The following PRKG1 variants were observed in gnomAD, a reference collection of about 807,000 sequenced individuals.
PRKG1 encodes the protein protein kinase cGMP-dependent 1, also known as cGMP-dependent protein kinase 1.
In PRKG1, 35 loss-of-function variants were observed where a neutral mutation model predicts 88.1. The ratio of observed to expected loss-of-function variants is 0.40; its 90% CI spans 0.30 to 0.53. The LOEUF (loss-of-function observed/expected upper bound fraction) is 0.53. PRKG1 is among the 20% of genes least tolerant of loss of function. The pLI is 0.59. For synonymous variants in PRKG1, 303 were observed against 292.5 expected, an observed-to-expected ratio of 1.04 and a Z score of -0.37; for missense variants, 540 against 839.8, an observed-to-expected ratio of 0.64 and a Z score of 4.41.
At chr10:51,891,521 T>C (rs774069843) in intron 4 of PRKG1, among the ~76,000 whole-genome samples, 1 of 152,234 alleles carries the variant, frequency 6.6e-6, no homozygotes, top group African/African-American at 2.4e-5. Flanking sequence ...TTCTTGCATT[T>C]ATTCTAAAAG....
chr10:51,799,655 T>C (rs1018791764), intron 3 of PRKG1, among the ~76,000 whole-genome samples: 2 of 151,902 alleles, frequency 1.3e-5, no homozygotes, highest in Non-Finnish European at 2.9e-5. Context: ...CTCAGGGAAA[T>C]GGCTGTTTAC....
intron 3 of PRKG1, among the ~76,000 whole-genome samples, chr10:51,648,788 G>A (rs957313323): frequency 6.6e-6 from 1 of 152,116 alleles, no homozygotes; most frequent in Non-Finnish European, 1.5e-5. Context: ...TAAAAAGTTT[G>A]TGGAGCACAG....
intron 10 of PRKG1, among the ~76,000 whole-genome samples, chr10:52,261,743 A>C (rs1283586518): frequency 6.6e-6 from 1 of 152,120 alleles, no homozygotes; most frequent in Non-Finnish European, 1.5e-5. Context: ...TGTGCAGAGA[A>C]AAGTGAAGGA....
intron 3 of PRKG1, among the ~76,000 whole-genome samples, chr10:51,735,262 C>T (rs1006225264): frequency 4.6e-5 from 7 of 152,002 alleles, no homozygotes; most frequent in East Asian, 1.9e-4. Flanking sequence ...AAATTCCTTG[C>T]GCAGAGTTCA....
At chr10:51,059,340 G>A (rs1293239229) in intron 1 of PRKG1, among the ~76,000 whole-genome samples, 1 of 152,098 alleles carries the variant, frequency 6.6e-6, no homozygotes, top group Non-Finnish European at 1.5e-5. Flanking sequence ...ATGTGTGTGT[G>A]TACATTTTAA....
chr10:51,811,278 A>G (rs1323451439), intron 4 of PRKG1, among the ~76,000 whole-genome samples: 3 of 152,118 alleles, frequency 2.0e-5, no homozygotes, highest in Non-Finnish European at 4.4e-5. Context: ...ATATTATATA[A>G]ACTTTTGTCT....
At chr10:51,393,488 C>T (rs293223) in intron 2 of PRKG1, among the ~76,000 whole-genome samples, 126,119 of 152,232 alleles carry the variant, frequency 0.83, 52,745 homozygotes, top group African/African-American at 0.87. Context: ...GATGAATTTT[C>T]ATCTACATTA....
At chr10:52,251,479 T>C in intron 9 of PRKG1, 91 bp from the exon 10 acceptor site, 1 of 990,146 alleles carries the variant, frequency 1.0e-6, no homozygotes, top group East Asian at 2.4e-5. Flanking sequence ...GTAAACCCTG[T>C]TCCACAGTCA....
At chr10:51,064,318 ATGCCAAGAGGGTTT>A (rs1295022933) in intron 1 of PRKG1, among the ~76,000 whole-genome samples, 1 of 152,078 alleles carries the variant, frequency 6.6e-6, no homozygotes, top group Non-Finnish European at 1.5e-5. Flanking sequence ...AAATGATGCA[ATGCCAAGAGGGTTT>A]TTACATTCAC....
At chr10:51,394,677 G>C (rs1267345645) in intron 2 of PRKG1, among the ~76,000 whole-genome samples, 1 of 152,200 alleles carries the variant, frequency 6.6e-6, no homozygotes, top group Non-Finnish European at 1.5e-5. Context: ...CAAATATTCA[G>C]TAAGGATTTA....
At chr10:51,096,195 G>A (rs181713816) in intron 1 of PRKG1, among the ~76,000 whole-genome samples, 1 of 152,078 alleles carries the variant, frequency 6.6e-6, no homozygotes, top group Admixed American at 6.6e-5. Flanking sequence ...AGAGGAGGGA[G>A]GTGAAAGAAG....
intron 5 of PRKG1, among the ~76,000 whole-genome samples, chr10:52,032,292 A>C (rs1461757878): frequency 6.6e-6 from 1 of 152,216 alleles, no homozygotes; most frequent in Admixed American, 6.5e-5. Flanking sequence ...TCAAACTGTG[A>C]GCATAGGCTT....
intron 2 of PRKG1, among the ~76,000 whole-genome samples, chr10:51,383,171 G>A (rs1314433532): frequency 6.6e-6 from 1 of 152,110 alleles, no homozygotes; most frequent in African/African-American, 2.4e-5. Context: ...CCAAAGTCTT[G>A]TTAGGAAGAA....
chr10:51,758,777 C>A (rs1490025266), intron 3 of PRKG1, among the ~76,000 whole-genome samples: 1 of 152,100 alleles, frequency 6.6e-6, no homozygotes, highest in East Asian at 1.9e-4. Context: ...TTGCTGCACC[C>A]ACCAACCTGT....
intron 3 of PRKG1, among the ~76,000 whole-genome samples, chr10:51,621,840 G>A (rs1054674398): frequency 6.6e-6 from 1 of 151,986 alleles, no homozygotes; most frequent in Admixed American, 6.5e-5. Context: ...AAATTTAATC[G>A]ACTTGTTTCT....
At chr10:51,285,996 A>G (rs2132212820) in intron 2 of PRKG1, among the ~76,000 whole-genome samples, 1 of 152,106 alleles carries the variant, frequency 6.6e-6, no homozygotes, top group South Asian at 2.1e-4. Flanking sequence ...TTTGAGATGG[A>G]GTCTTGCTCT....
At chr10:51,437,058 T>C (rs1006418482) in intron 2 of PRKG1, among the ~76,000 whole-genome samples, 27 of 151,962 alleles carry the variant, frequency 1.8e-4, no homozygotes, top group Non-Finnish European at 3.2e-4. Context: ...CATTCTATCT[T>C]GTGGCGTCCT....
intron 2 of PRKG1, among the ~76,000 whole-genome samples, chr10:51,183,500 AT>A: frequency 6.6e-6 from 1 of 152,258 alleles, no homozygotes; most frequent in East Asian, 1.9e-4. Context: ...GCTACCATTT[AT>A]TGCACGTGGT....
At chr10:52,196,862 A>G (rs181708645) in intron 9 of PRKG1, among the ~76,000 whole-genome samples, 44 of 152,334 alleles carry the variant, frequency 2.9e-4, no homozygotes, top group Non-Finnish European at 4.9e-4. Flanking sequence ...CATGCTGAAT[A>G]AATCTACTAT....
Sources: gnomAD v4.1 joint callset for allele counts (sites outside exome capture counted in the v4.1 genomes callset) on GRCh38, gnomAD v4.1.1 for gene constraint, MANE v1.5 for transcripts, NCBI Gene and HGNC (gene_info 2026-07-23, HGNC 2026-07-21) for gene names.